The following NKAIN3 variants were observed in gnomAD, a reference collection of about 807,000 sequenced individuals.
The protein encoded by NKAIN3 is sodium/potassium transporting ATPase interacting 3.
In NKAIN3, 25 loss-of-function variants were observed where a neutral mutation model predicts 30.2. That is an observed-to-expected ratio of 0.83 (90% confidence interval 0.60 to 1.16). NKAIN3 has a LOEUF of 1.16. Ranked by LOEUF, NKAIN3 falls within the 50% of genes most tolerant of loss-of-function variation. NKAIN3 has a pLI of 0.00. For missense variants in NKAIN3, 225 were observed against 254.1 expected (o/e 0.89, Z 0.78); for synonymous variants, 91 against 89.6 (o/e 1.02, Z -0.09).
chr8:62,842,717 G>T (rs1819569839), intron 4 of NKAIN3, among the ~76,000 whole-genome samples: 1 of 152,070 alleles, frequency 6.6e-6, no homozygotes, highest in African/African-American at 2.4e-5. Flanking sequence ...TGCCTTCATG[G>T]TCAATTGATT....
intron 3 of NKAIN3, among the ~76,000 whole-genome samples, chr8:62,746,349 G>T (rs1816070204): frequency 6.6e-6 from 1 of 152,140 alleles, no homozygotes; most frequent in Non-Finnish European, 1.5e-5. Flanking sequence ...CCCATCTCAT[G>T]ATCCTAATTT....
rs72656550 is a variant in NKAIN3, at chr8:62,966,880, C to A, written c.*1473C>A. On this transcript the variant is annotated 3_prime_UTR_variant, in exon 7 of 7. Transcript: ENST00000623646. ...CAAATATTTGTATGTGTGTGAAAGT[C>A]TTTTTTCTTCTTGTTCTTCTTTCGG... Among the ~76,000 whole-genome samples the A allele has an allele frequency of 0.066, 9,983 of 152,162 alleles. 370 individuals are homozygous for A. Among genetic ancestry groups the A allele is most frequent in the South Asian group, 0.099 (476 of 4,812 alleles).
intron 1 of NKAIN3, among the ~76,000 whole-genome samples, chr8:62,368,009 T>G (rs909796885): frequency 1.3e-5 from 2 of 151,976 alleles, no homozygotes; most frequent in African/African-American, 4.8e-5. Flanking sequence ...AGGAATAAAT[T>G]TAACCAAGGA....
Position 62,972,269 on chromosome 8 carries a change from A to G in NKAIN3, c.*6862A>G, listed in dbSNP as rs1823850864. ...TTTTTCCCTTCATCTCTTTTTCTTCAAGAACATAATATCGGCTGAAGTGGA... is the reference window on the plus strand; with the variant it reads ...TTTTTCCCTTCATCTCTTTTTCTTCGAGAACATAATATCGGCTGAAGTGGA... On this transcript the variant is annotated 3_prime_UTR_variant, in exon 7 of 7. Coordinates refer to ENST00000623646, the MANE Select transcript of NKAIN3 (RefSeq NM_001304533.3). Among the ~76,000 whole-genome samples, 1 of 152,082 alleles carries G rather than the reference A, an allele frequency of 6.6e-6. No homozygotes were observed. Among genetic ancestry groups the G allele is most frequent in the Non-Finnish European group, 1.5e-5 (1 of 68,032 alleles).
chr8:62,380,489 T>G (rs548209340), intron 1 of NKAIN3, among the ~76,000 whole-genome samples: 1 of 152,158 alleles, frequency 6.6e-6, no homozygotes, highest in Non-Finnish European at 1.5e-5. Context: ...TGCCCCACTT[T>G]CCAGCACTAG....
intron 3 of NKAIN3, among the ~76,000 whole-genome samples, chr8:62,609,591 A>G (rs1811225845): frequency 6.6e-6 from 1 of 152,180 alleles, no homozygotes; most frequent in Admixed American, 6.5e-5. Flanking sequence ...CTGGGGAAAG[A>G]GACATAATAT....
At chr8:62,388,359 A>T (rs1011005391) in intron 1 of NKAIN3, among the ~76,000 whole-genome samples, 10 of 152,230 alleles carry the variant, frequency 6.6e-5, no homozygotes, top group African/African-American at 2.4e-4. Context: ...AGCTACCTCC[A>T]AGCTAATAGT....
intron 3 of NKAIN3, among the ~76,000 whole-genome samples, chr8:62,663,994 C>T (rs10112536): frequency 0.47 from 71,627 of 151,814 alleles, 19,547 homozygotes; most frequent in African/African-American, 0.76. Context: ...TCCTTACTTA[C>T]ATTTTCACTA....
intron 1 of NKAIN3, among the ~76,000 whole-genome samples, chr8:62,289,771 C>T (rs963261925): frequency 2.0e-5 from 3 of 152,186 alleles, no homozygotes; most frequent in African/African-American, 7.2e-5. Context: ...TTTTCCAGTT[C>T]CATGAAGAAA....
At chr8:62,406,655 A>G (rs1585772463) in intron 1 of NKAIN3, among the ~76,000 whole-genome samples, 1 of 152,156 alleles carries the variant, frequency 6.6e-6, no homozygotes, top group Non-Finnish European at 1.5e-5. Flanking sequence ...GATACCATTT[A>G]TGTCATTTTA....
chr8:62,603,045 A>G (rs914138477), intron 3 of NKAIN3, among the ~76,000 whole-genome samples: 1 of 152,148 alleles, frequency 6.6e-6, no homozygotes, highest in African/African-American at 2.4e-5. Context: ...TTTTGAAGAC[A>G]ATTTAAAACT....
intron 3 of NKAIN3, among the ~76,000 whole-genome samples, chr8:62,743,618 C>G (rs541837875): frequency 3.3e-5 from 5 of 152,138 alleles, no homozygotes; most frequent in African/African-American, 4.8e-5. Flanking sequence ...GCTCATGGTC[C>G]TAGCAATGGT....
intron 1 of NKAIN3, among the ~76,000 whole-genome samples, chr8:62,290,517 G>C (rs1043887734): frequency 1.3e-5 from 2 of 152,020 alleles, no homozygotes; most frequent in African/African-American, 4.8e-5. Flanking sequence ...TTTGTCTTTG[G>C]TTCTGTTTAT....
rs527396351 is a variant in NKAIN3, at chr8:62,759,269, C to T, written c.471+12140C>T. Reference sequence around the variant, plus strand: ...CTGGAGATCTAAATAAAGGATTAGTCTTGAGTGTGAAAACTTGCTAAATTT... The same window carrying T: ...CTGGAGATCTAAATAAAGGATTAGTTTTGAGTGTGAAAACTTGCTAAATTT... On this transcript the variant is annotated intron_variant, in intron 4 of 6. Transcript: ENST00000623646. 2.6e-5 allele frequency among the ~76,000 whole-genome samples: 4 copies of T among 152,154 alleles called. No individual in the cohort carries two copies. In the East Asian group the frequency reaches 5.8e-4, roughly 22 times the overall value.
intron 4 of NKAIN3, among the ~76,000 whole-genome samples, chr8:62,830,777 G>T (rs1819172903): frequency 6.6e-6 from 1 of 152,148 alleles, no homozygotes; most frequent in Non-Finnish European, 1.5e-5. Context: ...CACCACCCAT[G>T]CAGAGAACTT....
intron 1 of NKAIN3, among the ~76,000 whole-genome samples, chr8:62,326,074 A>G (rs1309495366): frequency 3.3e-5 from 5 of 151,860 alleles, no homozygotes; most frequent in Non-Finnish European, 4.4e-5. Context: ...TAATTTTGCT[A>G]TATTTATTTT....
chr8:62,260,865 C>T (rs760511250), intron 1 of NKAIN3, among the ~76,000 whole-genome samples: 1 of 151,576 alleles, frequency 6.6e-6, no homozygotes, highest in Middle Eastern at 3.2e-3. Flanking sequence ...TATCTCTGCT[C>T]TGGGGGTTAT....
intron 5 of NKAIN3, among the ~76,000 whole-genome samples, chr8:62,932,949 G>T (rs191326188): frequency 2.6e-4 from 39 of 150,300 alleles, no homozygotes; most frequent in African/African-American, 9.3e-4. Flanking sequence ...CTCCGAGGAA[G>T]AAATGTCTGC....
chr8:62,471,978 A>G (rs1417055529), intron 1 of NKAIN3, among the ~76,000 whole-genome samples: 1 of 150,608 alleles, frequency 6.6e-6, no homozygotes, highest in African/African-American at 2.4e-5. Context: ...CAACAAACAA[A>G]CAAACAGCCT....
Sources: gnomAD v4.1 joint callset for allele counts (sites outside exome capture counted in the v4.1 genomes callset) on GRCh38, gnomAD v4.1.1 for gene constraint, MANE v1.5 for transcripts, NCBI Gene and HGNC (gene_info 2026-07-23, HGNC 2026-07-21) for gene names.